Variants in RSRC2 observed in about 807,000 individuals in gnomAD.
RSRC2 encodes arginine/serine-rich coiled-coil protein 2.
In RSRC2, 5 loss-of-function variants were observed where a neutral mutation model predicts 61.3. That is an observed-to-expected ratio of 0.08 (90% CI 0.04 to 0.17). The LOEUF (loss-of-function observed/expected upper bound fraction) is 0.17. Ranked by LOEUF, RSRC2 falls within the 10% of genes least tolerant of loss-of-function variation. The pLI, the probability that RSRC2 is intolerant of heterozygous loss-of-function variation, is 1.00. For missense variants in RSRC2, 381 were observed against 518.8 expected (o/e 0.73, Z 2.58); for synonymous variants, 202 against 166.5 (o/e 1.21, Z -1.64).
intron 7 of RSRC2, among the ~76,000 whole-genome samples, chr12:122,510,552 T>C (rs974511704): frequency 3.3e-5 from 5 of 152,156 alleles, no homozygotes; most frequent in South Asian, 2.1e-4. Context: ...TCTGTCATGA[T>C]GACTAGTGTT....
At chr12:122,517,622 T>G (rs1335398805) in intron 4 of RSRC2, among the ~76,000 whole-genome samples, 192 bp from the exon 5 acceptor site, 6 of 152,216 alleles carry the variant, frequency 3.9e-5, no homozygotes, top group Non-Finnish European at 8.8e-5. Context: ...TTTGATAATT[T>G]GTCCTAGAAC....
chr12:122,521,517 T>TC, intron 2 of RSRC2, 89 bp from the exon 3 acceptor site: 1 of 1,091,052 alleles, frequency 9.2e-7, no homozygotes, highest in South Asian at 1.3e-5. Flanking sequence ...GAAAAATGAC[T>TC]CCCATTAGTC....
intron 7 of RSRC2, among the ~76,000 whole-genome samples, chr12:122,509,435 A>G (rs1024212272): frequency 1.3e-5 from 2 of 151,458 alleles, no homozygotes; most frequent in Non-Finnish European, 2.9e-5. Context: ...AGGCGACAGT[A>G]TGAGCCTCCG....
chr12:122,524,093 AAT>A (rs1194354118), intron 1 of RSRC2, among the ~76,000 whole-genome samples: 1 of 152,184 alleles, frequency 6.6e-6, no homozygotes. Flanking sequence ...CACCCCTTAG[AAT>A]AGAGTTCAAC....
intron 6 of RSRC2, among the ~76,000 whole-genome samples, chr12:122,512,490 G>T (rs887485975): frequency 6.6e-6 from 1 of 152,188 alleles, no homozygotes; most frequent in Non-Finnish European, 1.5e-5. Context: ...CACTATGGGA[G>T]GCTGAGGTGG....
intron 6 of RSRC2, chr12:122,514,881 T>C: frequency 1.0e-5 from 7 of 690,812 alleles, no homozygotes; most frequent in Non-Finnish European, 1.5e-5. Context: ...TGAAATCAGT[T>C]AAATCATGAA....
intron 1 of RSRC2, chr12:122,526,237 A>C (rs189961790): frequency 1.3e-5 from 2 of 152,630 alleles, no homozygotes; most frequent in East Asian, 3.9e-4. Flanking sequence ...ATCAGTCAGA[A>C]TTGGTAGTTC....
In RSRC2 at chr12:122,517,125, A is replaced by G. The variant is rs904927085; in HGVS notation, c.602+102T>C. 4 of 1,523,498 alleles carry G rather than the reference A, an allele frequency of 2.6e-6. No homozygotes were observed. The African/African-American group carries it at 5.5e-5, about 21-fold the overall frequency. 94.4% of individuals were successfully genotyped at this position (1,523,498 alleles called of 1,614,324 possible). A position where few individuals can be genotyped will look rare whatever the true frequency, so the allele number is the denominator to read the frequency against. On this transcript the variant is annotated intron_variant, in intron 5 of 9. Transcript: ENST00000331738. Reference sequence around the variant, plus strand: ...CTAAAATAATTTTACCATAATCTATAAATAGAATTGTGACTCACAATTTTA... The same window carrying G: ...CTAAAATAATTTTACCATAATCTATGAATAGAATTGTGACTCACAATTTTA...
chr12:122,523,660 C>T (rs1959593199), intron 1 of RSRC2: 1 of 152,220 alleles, frequency 6.6e-6, no homozygotes, highest in Admixed American at 6.5e-5. Context: ...CATTAGAGAA[C>T]TTCCTCCTTT....
chr12:122,515,233 G>A lies in RSRC2; in HGVS notation c.603-6C>T. On this transcript the variant is annotated splice_polypyrimidine_tract_variant and splice_region_variant and intron_variant, in intron 5 of 9. Coordinates refer to ENST00000331738, the MANE Select transcript of RSRC2 (RefSeq NM_023012.6). ...CAATTCTCTTCTTTCTATCTCTGTA[G>A]TAAATCGTATTTCATATGTCAAATT... 6.2e-7 allele frequency: 1 copy of A among 1,612,036 alleles called. No individual in the cohort carries two copies. The highest frequency in any genetic ancestry group is 8.5e-7 in the Non-Finnish European group (1 of 1,179,254).
In RSRC2 at chr12:122,526,403, C is replaced by T. The variant is rs957035852; in HGVS notation, c.6+445G>A. The T allele has an allele frequency of 2.3e-5, 4 of 171,756 alleles. No individual in the cohort carries two copies. In the Admixed American group the frequency reaches 2.5e-4, roughly 11 times the overall value. The allele number at this position is 171,756 out of a possible 1,614,324, so 10.6% of individuals were successfully genotyped here. On this transcript the variant is annotated intron_variant, in intron 1 of 9. Coordinates refer to ENST00000331738, the MANE Select transcript of RSRC2 (RefSeq NM_023012.6). Reference sequence around the variant, plus strand: ...CAAAAAAAAAAATAGCTACAAGTCGCTCTCTTCTCCCACACTACCCTTTAC... The same window carrying T: ...CAAAAAAAAAAATAGCTACAAGTCGTTCTCTTCTCCCACACTACCCTTTAC...
chr12:122,506,257 T>C (rs1958109325), intron 9 of RSRC2: 1 of 152,368 alleles, frequency 6.6e-6, no homozygotes, highest in Non-Finnish European at 1.5e-5. Flanking sequence ...AAATATACTT[T>C]TGGGATATGT....
At chr12:122,516,701 T>C (rs1028967593) in intron 5 of RSRC2, among the ~76,000 whole-genome samples, 2 of 152,078 alleles carry the variant, frequency 1.3e-5, no homozygotes, top group African/African-American at 4.8e-5. Context: ...CACAACTGAA[T>C]TTGTTTGTTA....
At chr12:122,524,880 T>C (rs1959833261) in intron 1 of RSRC2, among the ~76,000 whole-genome samples, 2 of 152,238 alleles carry the variant, frequency 1.3e-5, no homozygotes, top group Admixed American at 1.3e-4. Context: ...ATTCCAGCAG[T>C]GGCTCTACGA....
At position 122,518,989 on chromosome 12, in the gene RSRC2, T is replaced by A. The variant is rs1016183170; in HGVS notation, c.248A>T (p.His83Leu). The change falls in exon 4 of 10, where the codon CAT (histidine) becomes CTT (leucine). Residue 83 changes from histidine to leucine, a missense_variant. By Grantham distance (99) the His-to-Leu change is moderately conservative. This residue lies in a region of RSRC2 where 266 missense variants were observed against 270.5 expected (regional missense o/e 0.98). Transcript: ENST00000331738. The part of the protein sequence containing the change: ...HESKDKSSKK[H>L]KSEEHNDKEH... ...TTTGTCATTATGTTCCTCAGACTTA[T>A]GTTTCTTAGAGGATTTATCTTTGGA... The A allele has an allele frequency of 6.2e-7, 1 of 1,613,826 alleles. No homozygotes were observed. Among genetic ancestry groups the A allele is most frequent in the Non-Finnish European group, 8.5e-7 (1 of 1,179,848 alleles).
chr12:122,514,086 A>G (rs984147943), intron 6 of RSRC2, among the ~76,000 whole-genome samples: 1 of 152,078 alleles, frequency 6.6e-6, no homozygotes, highest in African/African-American at 2.4e-5. Context: ...TAAAAAGTCT[A>G]TTTTTCAAAA....
chr12:122,505,822 C>A (rs2133557), intron 9 of RSRC2, 116 bp from the exon 10 acceptor site: 470,865 of 838,040 alleles, frequency 0.56, 135,412 homozygotes, highest in African/African-American at 0.75. Context: ...TCTGTTGTCC[C>A]GTCTGGAGTG....
rs530553688 is a variant in RSRC2, at chr12:122,522,168, C to T, written c.138G>A (p.Arg46=). 285 of 1,612,352 alleles carry T rather than the reference C, an allele frequency of 1.8e-4. 5 individuals carry two copies. In the South Asian group the frequency reaches 2.1e-3, roughly 12 times the overall value. The change falls in exon 2 of 10, where the codon AGG becomes AGA. Residue 46 remains arginine, a synonymous_variant. Coordinates refer to ENST00000331738, the MANE Select transcript of RSRC2 (RefSeq NM_023012.6). ...CTGACTTTCGTTTTCTTTCTCTTGA[C>T]CTTGATCGTGATCTTGAATAATGAT... The part of the protein sequence containing the change: ...SKHHYSRSRS[R]SRERKRKSDN...
chr12:122,521,514 G>C, intron 2 of RSRC2, 86 bp from the exon 3 acceptor site: 3 of 1,151,188 alleles, frequency 2.6e-6, no homozygotes, highest in Non-Finnish European at 3.9e-6. Context: ...GGAGAAAAAT[G>C]ACTCCCATTA....
Sources: allele counts gnomAD v4.1 joint callset (sites outside exome capture counted in the v4.1 genomes callset), GRCh38; gene constraint gnomAD v4.1.1; regional missense constraint gnomAD v4.1.1; transcripts MANE v1.5; gene names NCBI Gene and HGNC (gene_info 2026-07-23, HGNC 2026-07-21).